The following RPL35A variants were observed in gnomAD, a reference collection of about 807,000 sequenced individuals.
RPL35A encodes ribosomal protein L35a.
In RPL35A, 1 loss-of-function variant was observed where a neutral mutation model predicts 16.7. That is an observed-to-expected ratio of 0.06 (90% confidence interval 0.02 to 0.28). RPL35A has a LOEUF of 0.28. Ranked by LOEUF, RPL35A falls within the 10% of genes least tolerant of loss-of-function variation. The pLI is 1.00. For missense variants in RPL35A, 91 were observed against 138.7 expected (o/e 0.66, Z 1.73); for synonymous variants, 58 against 47.0 (o/e 1.23, Z -0.96).
intron 3 of RPL35A, chr3:197,952,607 GCCTCAGC>G (rs1334010046): frequency 6.6e-6 from 1 of 151,974 alleles, no homozygotes; most frequent in Middle Eastern, 3.1e-3. Flanking sequence ...CGATTATCCT[GCCTCAGC>G]CTCCGAGTGA....
In RPL35A at chr3:197,953,830, A is replaced by G. The variant is rs1370382175; in HGVS notation, c.165-173A>G. ...GCTGTATTTTACAGAAGGGCCTGGC[A>G]TACAATAGTTACTCGATAAGTATCT... On this transcript the variant is annotated intron_variant, in intron 3 of 4. Transcript: ENST00000647248. 8.7e-6 allele frequency: 6 copies of G among 686,908 alleles called. No individual in the cohort carries two copies. The East Asian group carries it at 1.4e-4, about 16-fold the overall frequency. The allele number at this position is 686,908 out of a possible 1,614,324, so 42.6% of individuals were successfully genotyped here. A position where few individuals can be genotyped will look rare whatever the true frequency, so the allele number is the denominator to read the frequency against.
chr3:197,954,774 C>A (rs1025661322), intron 4 of RPL35A, among the ~76,000 whole-genome samples: 3 of 152,160 alleles, frequency 2.0e-5, no homozygotes, highest in African/African-American at 7.2e-5. Context: ...TCCCAGAGTG[C>A]TGGGATTATA....
At chr3:197,954,345 T>C in intron 4 of RPL35A, 198 bp downstream of exon 4, 2 of 639,570 alleles carry the variant, frequency 3.1e-6, no homozygotes, top group South Asian at 3.8e-5. Flanking sequence ...TGTTTTTTTT[T>C]TGGGGGGAGA....
chr3:197,950,820 ACTC>A lies in RPL35A; in HGVS notation c.-32-113_-32-111del, dbSNP rs1720005269. On this transcript the variant is annotated intron_variant, in intron 1 of 4. Transcript: ENST00000647248. Reference sequence around the variant, plus strand: ...GATGTTCTGGCATTGTTGTCCCCGAACTCCTACATGAAACTCCCATCCAAAAGG... The same window carrying A: ...GATGTTCTGGCATTGTTGTCCCCGAACTACATGAAACTCCCATCCAAAAGG... The A allele has an allele frequency of 3.5e-6, 3 of 851,296 alleles. No individual in the cohort carries two copies. The East Asian group carries it at 7.6e-5, about 21-fold the overall frequency. 52.7% of individuals were successfully genotyped at this position (851,296 alleles called of 1,614,324 possible).
At chr3:197,954,286 A>G in intron 4 of RPL35A, 139 bp downstream of exon 4, 1 of 824,374 alleles carries the variant, frequency 1.2e-6, no homozygotes, top group Non-Finnish European at 2.1e-6. Context: ...ATTGCAGAAC[A>G]CTGGAGAGAT....
intron 1 of RPL35A, 109 bp from the exon 2 acceptor site, chr3:197,950,827 C>A: frequency 1.1e-6 from 1 of 937,618 alleles, no homozygotes. Flanking sequence ...CGAACTCCTA[C>A]ATGAAACTCC....
chr3:197,953,491 G>A (rs1720287512), intron 3 of RPL35A: 2 of 456,708 alleles, frequency 4.4e-6, no homozygotes. Flanking sequence ...ATCTCAGCTG[G>A]GATTAACCCC....
At position 197,954,051 on chromosome 3, in the gene RPL35A, G is replaced by C; in HGVS notation, c.213G>C (p.Trp71Cys). 6.2e-7 allele frequency: 1 copy of C among 1,613,988 alleles called. No homozygotes were observed. Among genetic ancestry groups the C allele is most frequent in the Non-Finnish European group, 8.5e-7 (1 of 1,180,030 alleles). ...GGKPNKTRVI[W>C]GKVTRAHGNS... ...AACCAAACAAAACCAGAGTCATCTGGGGAAAAGTAACTCGGGCCCATGGAA... is the reference window on the plus strand; with the variant it reads ...AACCAAACAAAACCAGAGTCATCTGCGGAAAAGTAACTCGGGCCCATGGAA... The change falls in exon 4 of 5, where the codon TGG (tryptophan) becomes TGC (cysteine). Residue 71 changes from tryptophan to cysteine, a missense_variant. Transcript: ENST00000647248.
In RPL35A at chr3:197,953,398, C is replaced by T. The variant is rs1720278068; in HGVS notation, c.165-605C>T. On this transcript the variant is annotated intron_variant, in intron 3 of 4. Coordinates refer to ENST00000647248, the MANE Select transcript of RPL35A (RefSeq NM_000996.4). ...TCTTTAAAGGAAATATATATAAAGT[C>T]ATATCCTTTGTACATTGCTCGAACC... 4 of 456,558 alleles carry T rather than the reference C, an allele frequency of 8.8e-6. No homozygotes were observed. In the East Asian group the frequency reaches 2.1e-4, roughly 24 times the overall value. The allele number at this position is 456,558 out of a possible 1,614,324, so 28.3% of individuals were successfully genotyped here. A position where few individuals can be genotyped will look rare whatever the true frequency, so the allele number is the denominator to read the frequency against.
chr3:197,950,815 C>A, intron 1 of RPL35A, 121 bp from the exon 2 acceptor site: 1 of 821,462 alleles, frequency 1.2e-6, no homozygotes. Context: ...CATTGTTGTC[C>A]CCGAACTCCT....
Position 197,955,869 on chromosome 3 carries a change from T to C in RPL35A, c.*96T>C. ...ACCTTAAATTGATTTGCTACATGCTTAAAATGATAGAGGTTGCTCAGCATT... is the reference window on the plus strand; with the variant it reads ...ACCTTAAATTGATTTGCTACATGCTCAAAATGATAGAGGTTGCTCAGCATT... On this transcript the variant is annotated 3_prime_UTR_variant, in exon 5 of 5. Transcript: ENST00000647248. 1 of 1,053,526 alleles carries C rather than the reference T, an allele frequency of 9.5e-7. No individual in the cohort carries two copies. 65.3% of individuals were successfully genotyped at this position (1,053,526 alleles called of 1,614,324 possible). A position where few individuals can be genotyped will look rare whatever the true frequency, so the allele number is the denominator to read the frequency against.
chr3:197,950,258 A>G, intron 1 of RPL35A, 37 bp downstream of exon 1: 1 of 1,230,358 alleles, frequency 8.1e-7, no homozygotes, highest in Non-Finnish European at 1.0e-6. Flanking sequence ...TTGGGGGCAA[A>G]TAACCGGAGT....
intron 4 of RPL35A, 99 bp downstream of exon 4, chr3:197,954,246 C>T: frequency 1.6e-6 from 2 of 1,257,508 alleles, no homozygotes; most frequent in East Asian, 4.8e-5. Context: ...GTGAAATTGA[C>T]ACCAGTAAAT....
chr3:197,954,649 ACAGGCGTAT>A (rs1720390182), intron 4 of RPL35A, among the ~76,000 whole-genome samples: 1 of 152,164 alleles, frequency 6.6e-6, no homozygotes, highest in Non-Finnish European at 1.5e-5. Context: ...AGCTGGAATT[ACAGGCGTAT>A]ATACCACCAT....
Position 197,954,318 on chromosome 3 carries a change from TTTGG to T in RPL35A, c.309+175_309+178del, listed in dbSNP as rs1720359957. On this transcript the variant is annotated intron_variant, in intron 4 of 4. Transcript: ENST00000647248. ...AGATAGTAATTGAAAGAATTAGGTGTTTGGTTGTTTGTTTTTTGTTTTTTTTTTG... is the reference window on the plus strand; with the variant it reads ...AGATAGTAATTGAAAGAATTAGGTGTTTGTTTGTTTTTTGTTTTTTTTTTG... 2.1e-5 allele frequency: 15 copies of T among 726,496 alleles called. No individual in the cohort carries two copies. The South Asian group carries it at 2.6e-4, about 13-fold the overall frequency. The allele number at this position is 726,496 out of a possible 1,614,324, so 45.0% of individuals were successfully genotyped here. A position where few individuals can be genotyped will look rare whatever the true frequency, so the allele number is the denominator to read the frequency against.
intron 3 of RPL35A, among the ~76,000 whole-genome samples, chr3:197,952,256 G>A (rs1171016184): frequency 1.7e-5 from 2 of 120,214 alleles, no homozygotes; most frequent in South Asian, 3.0e-4. Flanking sequence ...CGCAACCTCC[G>A]CCTCCCGGGT....
intron 1 of RPL35A, 186 bp downstream of exon 1, chr3:197,950,407 GA>G: frequency 9.8e-7 from 1 of 1,024,076 alleles, no homozygotes; most frequent in African/African-American, 1.7e-5. Context: ...CTGACACCCG[GA>G]GAACGGCTGC....
intron 2 of RPL35A, 61 bp downstream of exon 2, chr3:197,951,039 T>A: frequency 6.2e-7 from 1 of 1,604,262 alleles, no homozygotes; most frequent in Admixed American, 1.7e-5. Flanking sequence ...AAATGCGAGC[T>A]TAAAATTGGC....
chr3:197,951,494 A>C lies in RPL35A; in HGVS notation c.164+183A>C, dbSNP rs1273272703. The C allele has an allele frequency of 1.2e-5, 8 of 640,230 alleles. No individual in the cohort carries two copies. The East Asian group carries it at 2.3e-4, about 18-fold the overall frequency. 39.7% of individuals were successfully genotyped at this position (640,230 alleles called of 1,614,324 possible). A position where few individuals can be genotyped will look rare whatever the true frequency, so the allele number is the denominator to read the frequency against. The stretch of plus-strand genomic sequence containing the variant: ...CAGCCTCCCGAGTAGCTGGGATTAC[A>C]GGCGCCGGCCACCACGCCCGGCTAG... On this transcript the variant is annotated intron_variant, in intron 3 of 4. Coordinates refer to ENST00000647248, the MANE Select transcript of RPL35A (RefSeq NM_000996.4).
Sources: gnomAD v4.1 joint callset for allele counts (sites outside exome capture counted in the v4.1 genomes callset) on GRCh38, gnomAD v4.1.1 for gene constraint, MANE v1.5 for transcripts, NCBI Gene and HGNC (gene_info 2026-07-23, HGNC 2026-07-21) for gene names.